Variants in PLSCR2 observed in about 807,000 individuals in gnomAD.
PLSCR2 encodes the protein phospholipid scramblase 2.
A neutral mutation model predicts 25.3 loss-of-function variants in PLSCR2; 18 were observed. The observed-to-expected ratio is 0.71, with a 90% CI of 0.49 to 1.06. The LOEUF (loss-of-function observed/expected upper bound fraction) is 1.06, where lower values mean the gene tolerates loss of function less well. Ranked by LOEUF, PLSCR2 falls within the 50% of genes least tolerant of loss-of-function variation. The pLI is 0.00. For missense variants in PLSCR2, 243 were observed against 269.5 expected (o/e 0.90, Z 0.69); for synonymous variants, 88 against 87.3 (o/e 1.01, Z -0.04).
chr3:146,436,751 T>C (rs936635691), intron 8 of PLSCR2, among the ~76,000 whole-genome samples: 8 of 152,138 alleles, frequency 5.3e-5, no homozygotes, highest in African/African-American at 1.7e-4. Flanking sequence ...CTTTTCCTAA[T>C]GGAATACTCT....
chr3:146,475,269 T>G (rs2042246589), intron 1 of PLSCR2, among the ~76,000 whole-genome samples: 1 of 152,094 alleles, frequency 6.6e-6, no homozygotes, highest in Non-Finnish European at 1.5e-5. Flanking sequence ...CTTTCTCATC[T>G]TCATGAGTTT....
At chr3:146,439,411 C>G (rs376952651), downstream of PLSCR2, among the ~76,000 whole-genome samples, 486 of 152,294 alleles carry the variant, frequency 3.2e-3, 3 homozygotes, top group South Asian at 0.018. Context: ...TTCAGGTACA[C>G]CAATCAGACG....
intron 1 of PLSCR2, among the ~76,000 whole-genome samples, chr3:146,480,164 A>C (rs971079180): frequency 8.5e-5 from 13 of 152,356 alleles, no homozygotes; most frequent in African/African-American, 3.1e-4. Context: ...CGCTAACATC[A>C]CAATTAAAAG....
intron 1 of PLSCR2, among the ~76,000 whole-genome samples, chr3:146,479,975 C>A (rs1457631303): frequency 2.0e-5 from 3 of 152,158 alleles, no homozygotes; most frequent in Non-Finnish European, 4.4e-5. Flanking sequence ...ACAACCTGCT[C>A]CTGAATGACT....
intron 6 of PLSCR2, among the ~76,000 whole-genome samples, chr3:146,442,057 T>C (rs2040274330): frequency 6.6e-6 from 1 of 152,002 alleles, no homozygotes; most frequent in Non-Finnish European, 1.5e-5. Context: ...ATTAATTTAA[T>C]TAATCCTATG....
intron 1 of PLSCR2, 27 bp from the exon 2 acceptor site, chr3:146,460,110 T>C: frequency 1.2e-5 from 17 of 1,460,858 alleles, no homozygotes; most frequent in Non-Finnish European, 1.6e-5. Flanking sequence ...TAAAATAATT[T>C]GTAGCTGCCC....
chr3:146,453,520 T>C (rs2041019535), intron 5 of PLSCR2, among the ~76,000 whole-genome samples: 1 of 152,094 alleles, frequency 6.6e-6, no homozygotes, highest in South Asian at 2.1e-4. Context: ...CAGAGAAGTA[T>C]AATTGGGTAA....
chr3:146,428,415 T>C (rs1349452618), downstream of PLSCR2, among the ~76,000 whole-genome samples: 1 of 152,204 alleles, frequency 6.6e-6, no homozygotes. Context: ...TTTCAAGTAT[T>C]GGTTTTCCAA....
At chr3:146,462,058 G>A (rs559983346), upstream of PLSCR2, 3 of 563,452 alleles carry the variant, frequency 5.3e-6, no homozygotes, top group African/African-American at 1.9e-5. Flanking sequence ...TTCATGGATT[G>A]AAATAGTTCT....
At chr3:146,412,715 G>C (rs2038895543) in intron 2 of PLSCR2, among the ~76,000 whole-genome samples, 2 of 152,176 alleles carry the variant, frequency 1.3e-5, no homozygotes, top group African/African-American at 2.4e-5. Flanking sequence ...GAGGGGAAGA[G>C]GTTCTTATTC....
intron 2 of PLSCR2, among the ~76,000 whole-genome samples, chr3:146,424,701 T>C (rs1386844121): frequency 6.6e-6 from 1 of 152,104 alleles, no homozygotes; most frequent in East Asian, 1.9e-4. Context: ...TGTATGGCAG[T>C]CTGAGTAGTG....
At chr3:146,428,575 T>C (rs1159234591), downstream of PLSCR2, among the ~76,000 whole-genome samples, 3 of 152,230 alleles carry the variant, frequency 2.0e-5, no homozygotes, top group East Asian at 5.8e-4. Flanking sequence ...TATCATTCTA[T>C]AGCCCTCCCA....
chr3:146,493,256 A>C (rs554016088), intron 1 of PLSCR2, among the ~76,000 whole-genome samples: 1 of 152,150 alleles, frequency 6.6e-6, no homozygotes, highest in Admixed American at 6.6e-5. Flanking sequence ...AACTATTGCA[A>C]AAAATTGAGG....
chr3:146,447,641 G>C (rs1439836026), intron 6 of PLSCR2, among the ~76,000 whole-genome samples: 3 of 152,114 alleles, frequency 2.0e-5, no homozygotes, highest in Non-Finnish European at 2.9e-5. Context: ...TGCAAGCTGT[G>C]CTGCCTGGAG....
intron 2 of PLSCR2, among the ~76,000 whole-genome samples, chr3:146,416,920 T>C (rs1468852247): frequency 6.6e-6 from 1 of 152,212 alleles, no homozygotes; most frequent in Admixed American, 6.5e-5. Flanking sequence ...CACAATTAAA[T>C]CTTTATGTTT....
At chr3:146,439,760 C>T (rs1001265339), downstream of PLSCR2, among the ~76,000 whole-genome samples, 1 of 152,172 alleles carries the variant, frequency 6.6e-6, no homozygotes, top group African/African-American at 2.4e-5. Context: ...TATCTGAAGC[C>T]TTCTTCTCTC....
downstream of PLSCR2, among the ~76,000 whole-genome samples, chr3:146,430,434 G>C (rs1405970630): frequency 6.6e-6 from 1 of 152,154 alleles, no homozygotes; most frequent in Non-Finnish European, 1.5e-5. Context: ...AGTAGGGCAG[G>C]ACTTGGAGAG....
At chr3:146,433,923 T>G (rs1016360414) in intron 8 of PLSCR2, among the ~76,000 whole-genome samples, 1 of 152,150 alleles carries the variant, frequency 6.6e-6, no homozygotes, top group Non-Finnish European at 1.5e-5. Flanking sequence ...TTGGAGGAGT[T>G]TGCTGAAGCT....
intron 1 of PLSCR2, among the ~76,000 whole-genome samples, chr3:146,478,182 C>T (rs1172036306): frequency 6.6e-6 from 1 of 152,202 alleles, no homozygotes; most frequent in Non-Finnish European, 1.5e-5. Flanking sequence ...ACCCCTTCTC[C>T]TCCAAAGGAT....
Sources: gnomAD v4.1 joint callset for allele counts (sites outside exome capture counted in the v4.1 genomes callset) on GRCh38, gnomAD v4.1.1 for gene constraint, MANE v1.5 for transcripts, NCBI Gene and HGNC (gene_info 2026-07-23, HGNC 2026-07-21) for gene names.